The following MUC13 variants were observed in gnomAD, a reference collection of about 807,000 sequenced individuals.
The protein encoded by MUC13 is mucin 13, cell surface associated.
A neutral mutation model predicts 48.3 loss-of-function variants in MUC13; 32 were observed. The observed-to-expected ratio is 0.66, with a 90% CI of 0.50 to 0.89. The LOEUF is 0.89. Among genes scored for constraint, MUC13 ranks in the 40% least tolerant of loss-of-function variants. The pLI is 0.00. For synonymous variants in MUC13, 199 were observed against 224.9 expected (o/e 0.88, Z 1.03); for missense variants, 571 against 622.8 (o/e 0.92, Z 0.88).
rs753849962 is a variant in MUC13 at position 124,927,897 on chromosome 3, A to G, written c.149T>C (p.Phe50Ser). ...TGCTGTGGTGCTAGCAGTTTCAGGG[A>G]AATTAGTTTCAGTGGTATCAGCTGC... Reference protein sequence around the residue: ...VAAADTTETNFPETASTTANT... With the variant: ...VAAADTTETNSPETASTTANT... Residue 50 changes from phenylalanine (F) to serine (S), a missense_variant, in exon 2 of 12, where the codon TTC becomes TCC. Physicochemically the swap from Phe to Ser is radical, Grantham distance 155 (BLOSUM62 -2). Transcript: ENST00000616727. 1 of 1,613,396 alleles carries G rather than the reference A, an allele frequency of 6.2e-7. No homozygotes were observed. The highest frequency in any genetic ancestry group is 8.5e-7 in the Non-Finnish European group (1 of 1,179,700).
At chr3:124,925,532 T>C (rs1935672126) in intron 2 of MUC13, among the ~76,000 whole-genome samples, 1 of 152,208 alleles carries the variant, frequency 6.6e-6, no homozygotes, top group Admixed American at 6.5e-5. Flanking sequence ...AATATATGTG[T>C]CAGGCCAGGG....
Position 124,922,259 on chromosome 3 carries a change from A to T in MUC13, c.682T>A (p.Phe228Ile), listed in dbSNP as rs754738622. The T allele has an allele frequency of 2.5e-6, 4 of 1,614,030 alleles. No homozygotes were observed. The African/African-American group carries it at 5.3e-5, about 22-fold the overall frequency. ...ATGGAATGTTTCTCTTCTGGGTCAA[A>T]TGTTTCTGATACTGTCACTGAAATC... is the stretch of plus-strand genomic sequence containing the variant. ...GKISVTVSET[F>I]DPEEKHSMAY... Residue 228 changes from phenylalanine to isoleucine, a missense_variant, in exon 4 of 12, where the codon TTT becomes ATT. Transcript: ENST00000616727.
At chr3:124,912,713 G>A (rs1935443293) in intron 8 of MUC13, among the ~76,000 whole-genome samples, 1 of 152,038 alleles carries the variant, frequency 6.6e-6, no homozygotes, top group Non-Finnish European at 1.5e-5. Flanking sequence ...CGAAGCAGGT[G>A]GATCATGAGG....
rs577209132 is a variant in MUC13 at position 124,926,392 on chromosome 3, A to C, written c.514+1140T>G. On this transcript the variant is annotated intron_variant, in intron 2 of 11. Transcript: ENST00000616727. ...ACTCTGAGGGAACACCTGGCGAAGCAGAAATGGCTTAGAAAACCTCTCTTT... is the reference window on the plus strand; with the variant it reads ...ACTCTGAGGGAACACCTGGCGAAGCCGAAATGGCTTAGAAAACCTCTCTTT... Among the ~76,000 whole-genome samples the C allele has an allele frequency of 4.4e-4, 67 of 152,366 alleles. 1 individual carries two copies. Among genetic ancestry groups the C allele is most frequent in the Middle Eastern group, 6.8e-3 (2 of 294 alleles).
intron 8 of MUC13, 67 bp downstream of exon 8, chr3:124,913,044 T>A: frequency 6.3e-6 from 10 of 1,579,722 alleles, no homozygotes; most frequent in Non-Finnish European, 8.6e-6. Flanking sequence ...TATATACGTG[T>A]TGTAAGGTCT....
At chr3:124,913,919 G>A (rs1260811976) in intron 6 of MUC13, among the ~76,000 whole-genome samples, 2 of 152,080 alleles carry the variant, frequency 1.3e-5, no homozygotes, top group African/African-American at 4.8e-5. Context: ...AAAGTTAGCT[G>A]GGCATGGTGG....
At chr3:124,907,418 C>A (rs1333084169) in intron 11 of MUC13, among the ~76,000 whole-genome samples, 1 of 152,052 alleles carries the variant, frequency 6.6e-6, no homozygotes, top group Non-Finnish European at 1.5e-5. Context: ...GAATTTGAGA[C>A]CAGCCTGGGC....
At chr3:124,930,373 A>G (rs1935774214) in intron 1 of MUC13, among the ~76,000 whole-genome samples, 1 of 152,088 alleles carries the variant, frequency 6.6e-6, no homozygotes, top group African/African-American at 2.4e-5. Flanking sequence ...ACTAAAATAC[A>G]CTTGTGTGTG....
chr3:124,928,088 T>TG, intron 1 of MUC13, 95 bp from the exon 2 acceptor site: 1 of 1,058,100 alleles, frequency 9.5e-7, no homozygotes, highest in Non-Finnish European at 1.3e-6. Flanking sequence ...CATTCTTTTT[T>TG]TTTTTTTTTT....
chr3:124,918,492 A>C (rs1935542484), intron 5 of MUC13, among the ~76,000 whole-genome samples: 1 of 152,198 alleles, frequency 6.6e-6, no homozygotes, highest in South Asian at 2.1e-4. Context: ...CATATTCTAG[A>C]AAGGAAACAG....
At chr3:124,916,601 T>C in intron 5 of MUC13, 121 bp from the exon 6 acceptor site, 1 of 1,045,162 alleles carries the variant, frequency 9.6e-7, no homozygotes, top group Non-Finnish European at 1.4e-6. Flanking sequence ...GTCCCTATGA[T>C]TCGGACCCAC....
Position 124,927,846 on chromosome 3 carries a change from G to A in MUC13, c.200C>T (p.Thr67Ile), listed in dbSNP as rs148289912. The A allele has an allele frequency of 3.9e-3, 6,236 of 1,614,024 alleles. 43 individuals carry two copies. The highest frequency in any genetic ancestry group is 0.021 in the Middle Eastern group (125 of 6,062). ...TANTPSFPTA[T>I]SPAPPIISTH... ...ACTAATTATGGGGGGAGCAGGTGAAGTAGCTGTTGGGAAAGAAGGTGTATT... is the reference window on the plus strand; with the variant it reads ...ACTAATTATGGGGGGAGCAGGTGAAATAGCTGTTGGGAAAGAAGGTGTATT... Residue 67 changes from threonine (T) to isoleucine (I), a missense_variant, in exon 2 of 12, where the codon ACT (threonine) becomes ATT (isoleucine). Coordinates refer to ENST00000616727, the MANE Select transcript of MUC13 (RefSeq NM_033049.4).
chr3:124,908,729 A>G (rs1161207284), intron 10 of MUC13, among the ~76,000 whole-genome samples: 1 of 152,238 alleles, frequency 6.6e-6, no homozygotes, highest in East Asian at 1.9e-4. Context: ...CAACATAACA[A>G]TCTAATTCCA....
intron 1 of MUC13, among the ~76,000 whole-genome samples, chr3:124,931,490 G>A (rs1050437813): frequency 6.6e-6 from 1 of 151,712 alleles, no homozygotes; most frequent in Non-Finnish European, 1.5e-5. Flanking sequence ...GCTCATGCCT[G>A]TAATCCCAGC....
At chr3:124,929,275 C>T (rs1469109626) in intron 1 of MUC13, among the ~76,000 whole-genome samples, 1 of 151,604 alleles carries the variant, frequency 6.6e-6, no homozygotes, top group Admixed American at 6.6e-5. Flanking sequence ...CTCCTGGGCT[C>T]AAGTGATCCT....
intron 5 of MUC13, among the ~76,000 whole-genome samples, chr3:124,919,356 G>GTTT (rs764689690): frequency 3.2e-5 from 4 of 123,686 alleles, no homozygotes; most frequent in African/African-American, 6.2e-5. Context: ...AAAAAAAATG[G>GTTT]TTTTTTTTTT....
At chr3:124,927,095 C>A (rs957330638) in intron 2 of MUC13, among the ~76,000 whole-genome samples, 2 of 152,162 alleles carry the variant, frequency 1.3e-5, no homozygotes, top group Non-Finnish European at 2.9e-5. Context: ...TTGTGATCAG[C>A]CACCATCTTA....
At chr3:124,922,357 CA>C in intron 3 of MUC13, 54 bp from the exon 4 acceptor site, 1 of 1,575,366 alleles carries the variant, frequency 6.3e-7, no homozygotes, top group South Asian at 1.2e-5. Flanking sequence ...GGGTCATTTC[CA>C]TTTTGTTTTA....
Position 124,913,546 on chromosome 3 carries a change from C to G in MUC13, c.1084+16G>C. 1.2e-6 allele frequency: 2 copies of G among 1,613,656 alleles called. No homozygotes were observed. The highest frequency in any genetic ancestry group is 1.7e-6 in the Non-Finnish European group (2 of 1,179,876). ...TGATGTTATGAAGAACATTTAGAAG[C>G]AGGTGAAACACTTACCAACGCAGAA... On this transcript the variant is annotated intron_variant, in intron 7 of 11. Coordinates refer to ENST00000616727, the MANE Select transcript of MUC13 (RefSeq NM_033049.4).
Sources: allele counts gnomAD v4.1 joint callset (sites outside exome capture counted in the v4.1 genomes callset), GRCh38; gene constraint gnomAD v4.1.1; transcripts MANE v1.5; gene names NCBI Gene and HGNC (gene_info 2026-07-23, HGNC 2026-07-21).